The following CTNNA3 variants were observed in gnomAD, a reference collection of about 807,000 sequenced individuals.
CTNNA3 encodes catenin alpha 3.
In CTNNA3, 76 loss-of-function variants were observed where a neutral mutation model predicts 95.7. That is an observed-to-expected ratio of 0.79 (90% CI 0.66 to 0.96). The LOEUF (loss-of-function observed/expected upper bound fraction) is 0.96, where lower values mean the gene tolerates loss of function less well. CTNNA3 is among the 40% of genes least tolerant of loss of function. The probability of loss-of-function intolerance (pLI) is 0.00; values close to 1 mark genes in which losing one functional copy is unlikely to be tolerated. For missense variants in CTNNA3, 1,191 were observed against 1,089.8 expected, an observed-to-expected ratio of 1.09 and a Z score of -1.31; for synonymous variants, 431 against 374.4, an observed-to-expected ratio of 1.15 and a Z score of -1.74.
chr10:67,717,496 A>C (rs1217183205), intron 1 of CTNNA3, among the ~76,000 whole-genome samples: 1 of 152,148 alleles, frequency 6.6e-6, no homozygotes, highest in Admixed American at 6.6e-5. Flanking sequence ...GTTTTTGTAT[A>C]AGATGTAAGG....
At chr10:66,434,664 C>A (rs185321222) in intron 11 of CTNNA3, among the ~76,000 whole-genome samples, 1 of 152,110 alleles carries the variant, frequency 6.6e-6, no homozygotes, top group Non-Finnish European at 1.5e-5. Context: ...TTGCCCTGGC[C>A]AGAACTTCCA....
At chr10:66,006,460 C>T (rs1156331670) in intron 15 of CTNNA3, among the ~76,000 whole-genome samples, 1 of 152,116 alleles carries the variant, frequency 6.6e-6, no homozygotes, top group African/African-American at 2.4e-5. Flanking sequence ...AATCTGTACT[C>T]AGCACCAACA....
chr10:67,678,936 C>A (rs1445736174), intron 1 of CTNNA3, among the ~76,000 whole-genome samples: 1 of 152,100 alleles, frequency 6.6e-6, no homozygotes, highest in East Asian at 1.9e-4. Context: ...AGGTACAAGT[C>A]TCCTCCTCCC....
intron 15 of CTNNA3, among the ~76,000 whole-genome samples, chr10:66,054,480 T>C (rs1323541461): frequency 6.6e-6 from 1 of 152,200 alleles, no homozygotes; most frequent in Non-Finnish European, 1.5e-5. Flanking sequence ...TAATTAGTGA[T>C]ATGGAGCATC....
intron 5 of CTNNA3, among the ~76,000 whole-genome samples, chr10:67,514,260 A>G (rs1361010642): frequency 2.0e-5 from 3 of 152,198 alleles, no homozygotes; most frequent in Non-Finnish European, 4.4e-5. Flanking sequence ...AGATTGTGCC[A>G]CTGCACTCCA....
At chr10:66,178,418 T>TAC in intron 13 of CTNNA3, among the ~76,000 whole-genome samples, 1 of 56,616 alleles carries the variant, frequency 1.8e-5, no homozygotes, top group Non-Finnish European at 3.3e-5. Context: ...TATATATATA[T>TAC]ATATATATAT....
chr10:66,950,602 T>G, intron 7 of CTNNA3, among the ~76,000 whole-genome samples: 1 of 152,124 alleles, frequency 6.6e-6, no homozygotes, highest in Admixed American at 6.5e-5. Context: ...ATATTTTTAA[T>G]AAATGTTTAC....
intron 4 of CTNNA3, among the ~76,000 whole-genome samples, chr10:67,526,742 A>T (rs1840156897): frequency 6.6e-6 from 1 of 152,364 alleles, no homozygotes; most frequent in Admixed American, 6.5e-5. Context: ...ATCTAGCTTT[A>T]TAGGTTACTG....
At chr10:67,346,930 C>G (rs1842443120) in intron 5 of CTNNA3, among the ~76,000 whole-genome samples, 1 of 152,094 alleles carries the variant, frequency 6.6e-6, no homozygotes, top group African/African-American at 2.4e-5. Flanking sequence ...CAAGGGACCA[C>G]AGAGGCATTC....
chr10:66,720,346 G>A (rs1018332187), intron 9 of CTNNA3, among the ~76,000 whole-genome samples: 7 of 151,016 alleles, frequency 4.6e-5, no homozygotes, highest in African/African-American at 7.3e-5. Context: ...ATAAACAGCT[G>A]GAGAGCAAAG....
intron 10 of CTNNA3, among the ~76,000 whole-genome samples, chr10:66,596,809 A>C (rs1843728905): frequency 6.6e-6 from 1 of 152,156 alleles, no homozygotes; most frequent in Non-Finnish European, 1.5e-5. Flanking sequence ...AAAGGAACAA[A>C]ATAAAGTTCC....
In CTNNA3 at chr10:65,913,489, G is replaced by A. The variant is rs1342819801; in HGVS notation, c.*6841C>T. The A allele has an allele frequency of 2.0e-5, 3 of 152,038 alleles. No individual in the cohort carries two copies. The highest frequency in any genetic ancestry group is 4.8e-5 in the African/African-American group (2 of 41,418). The allele number at this position is 152,038 out of a possible 1,614,324, so 9.4% of individuals were successfully genotyped here. On this transcript the variant is annotated 3_prime_UTR_variant, in exon 18 of 18. Transcript: ENST00000433211. ...TTTCTTTGGAGGGACTGTACCACAT[G>A]AGAAAAATTTGCAAAATCAACAAAT...
At chr10:66,157,510 G>C (rs201820919) in intron 13 of CTNNA3, among the ~76,000 whole-genome samples, 1 of 107,458 alleles carries the variant, frequency 9.3e-6, no homozygotes, top group Non-Finnish European at 2.2e-5. Context: ...TAGATAGATA[G>C]ATAGATAGAT....
At chr10:67,685,021 G>A (rs1165311097) in intron 1 of CTNNA3, among the ~76,000 whole-genome samples, 1 of 152,224 alleles carries the variant, frequency 6.6e-6, no homozygotes, top group East Asian at 1.9e-4. Flanking sequence ...TTTCTCAGCA[G>A]TGAGGAGGTC....
intron 1 of CTNNA3, among the ~76,000 whole-genome samples, chr10:67,653,197 T>A (rs1320146480): frequency 5.3e-5 from 8 of 151,622 alleles, no homozygotes; most frequent in Non-Finnish European, 1.0e-4. Flanking sequence ...GAGAGAGAGG[T>A]GCCACACACT....
intron 16 of CTNNA3, among the ~76,000 whole-genome samples, chr10:65,982,696 T>C (rs2078345268): frequency 6.8e-6 from 1 of 146,992 alleles, no homozygotes; most frequent in Non-Finnish European, 1.5e-5. Context: ...TATATATATA[T>C]GTGTGTGTGT....
At chr10:67,567,505 G>A (rs1212563852) in intron 3 of CTNNA3, among the ~76,000 whole-genome samples, 1 of 152,084 alleles carries the variant, frequency 6.6e-6, no homozygotes, top group African/African-American at 2.4e-5. Flanking sequence ...TTACTTGGGT[G>A]ATGAATACCT....
chr10:66,247,362 T>C (rs7089315), intron 13 of CTNNA3, among the ~76,000 whole-genome samples: 122,859 of 152,094 alleles, frequency 0.81, 49,973 homozygotes, highest in South Asian at 0.94. Flanking sequence ...TTTAGGGGAA[T>C]TTGCTATCCT....
At chr10:65,988,829 T>G in intron 15 of CTNNA3, 32 bp from the exon 16 acceptor site, 1 of 1,496,048 alleles carries the variant, frequency 6.7e-7, no homozygotes, top group Non-Finnish European at 9.3e-7. Flanking sequence ...TTAGCTGTGG[T>G]GTTCATGAGA....
Sources: allele counts gnomAD v4.1 joint callset (sites outside exome capture counted in the v4.1 genomes callset), GRCh38; gene constraint gnomAD v4.1.1; transcripts MANE v1.5; gene names NCBI Gene and HGNC (gene_info 2026-07-23, HGNC 2026-07-21).